ZNF382: variants seen among roughly 807,000 people sequenced by gnomAD.
ZNF382 encodes KRAB/zinc finger suppressor protein 1.
A neutral mutation model predicts 38.8 loss-of-function variants in ZNF382; 20 were observed. The observed-to-expected ratio is 0.51, with a 90% CI of 0.36 to 0.75. The LOEUF (loss-of-function observed/expected upper bound fraction) is 0.75. Ranked by LOEUF, ZNF382 falls within the 30% of genes least tolerant of loss-of-function variation. ZNF382 has a pLI of 0.00. For missense variants in ZNF382, 546 were observed against 654.1 expected, an observed-to-expected ratio of 0.83 and a Z score of 1.80; for synonymous variants, 202 against 223.1, an observed-to-expected ratio of 0.91 and a Z score of 0.84.
At chr19:36,621,566 T>A (rs912711555) in intron 4 of ZNF382, among the ~76,000 whole-genome samples, 1 of 150,596 alleles carries the variant, frequency 6.6e-6, no homozygotes, top group Non-Finnish European at 1.5e-5. Context: ...ATCAGCAGAT[T>A]CAACCAACTG....
rs562244025 is a variant in ZNF382, at chr19:36,627,620, G to GT, written c.*71dup. 386 of 1,198,780 alleles carry GT rather than the reference G, an allele frequency of 3.2e-4. 2 individuals are homozygous for GT. In the African/African-American group the frequency reaches 5.4e-3, roughly 17 times the overall value. The allele number at this position is 1,198,780 out of a possible 1,614,324, so 74.3% of individuals were successfully genotyped here. A position where few individuals can be genotyped will look rare whatever the true frequency, so the allele number is the denominator to read the frequency against. ...CCTGTAGATGATGTTGCTTGCAAGC[G>GT]TAATATCCAACAGTTTAAGGTACTA... is the stretch of plus-strand genomic sequence containing the variant. On this transcript the variant is annotated 3_prime_UTR_variant, in exon 5 of 5. Transcript: ENST00000292928.
chr19:36,618,356 TG>T (rs1458131025), intron 4 of ZNF382, among the ~76,000 whole-genome samples: 1 of 152,242 alleles, frequency 6.6e-6, no homozygotes, highest in Non-Finnish European at 1.5e-5. Context: ...CTTTCCTCTT[TG>T]GGCTCCTTGC....
At chr19:36,619,450 A>G (rs1161156185) in intron 4 of ZNF382, among the ~76,000 whole-genome samples, 1 of 152,080 alleles carries the variant, frequency 6.6e-6, no homozygotes, top group African/African-American at 2.4e-5. Flanking sequence ...CATCATTCTG[A>G]CTTTGGCCTG....
At chr19:36,620,745 C>G (rs2037162435) in intron 4 of ZNF382, among the ~76,000 whole-genome samples, 1 of 151,618 alleles carries the variant, frequency 6.6e-6, no homozygotes, top group Non-Finnish European at 1.5e-5. Context: ...TTTGTTTATT[C>G]TTTTGTTCCC....
intron 4 of ZNF382, among the ~76,000 whole-genome samples, chr19:36,611,344 A>G (rs1325175990): frequency 6.6e-6 from 1 of 152,106 alleles, no homozygotes; most frequent in East Asian, 1.9e-4. Context: ...TAGCCATGCC[A>G]ACCACCATTC....
intron 2 of ZNF382, 88 bp from the exon 3 acceptor site, chr19:36,609,814 A>G (rs2037062771): frequency 8.1e-7 from 1 of 1,236,942 alleles, no homozygotes; most frequent in African/African-American, 1.6e-5. Flanking sequence ...GCAATATAAA[A>G]CATAAATAAG....
chr19:36,619,007 C>T (rs1048438824), intron 4 of ZNF382, among the ~76,000 whole-genome samples: 3 of 152,184 alleles, frequency 2.0e-5, no homozygotes, highest in Admixed American at 1.3e-4. Context: ...GCATAGGTAA[C>T]AGAGCAAGAT....
At chr19:36,622,716 C>T (rs764357010) in intron 4 of ZNF382, among the ~76,000 whole-genome samples, 15 of 152,100 alleles carry the variant, frequency 9.9e-5, no homozygotes, top group Non-Finnish European at 1.6e-4. Flanking sequence ...TACTGTCTGG[C>T]CAGCCAAAGA....
At chr19:36,620,089 C>A (rs925688718) in intron 4 of ZNF382, among the ~76,000 whole-genome samples, 2 of 152,000 alleles carry the variant, frequency 1.3e-5, no homozygotes, top group Non-Finnish European at 2.9e-5. Context: ...TATCTATCTC[C>A]CTCATAGTTT....
intron 4 of ZNF382, 117 bp from the exon 5 acceptor site, chr19:36,626,013 T>C: frequency 1.6e-6 from 1 of 621,578 alleles, no homozygotes; most frequent in Non-Finnish European, 2.5e-6. Context: ...AGGTAATTTA[T>C]TCTGGCCTTT....
In ZNF382 at chr19:36,607,552, G is replaced by C; in HGVS notation, c.-84G>C. On this transcript the variant is annotated splice_region_variant and 5_prime_UTR_variant, in exon 2 of 5. Coordinates refer to ENST00000292928, the MANE Select transcript of ZNF382 (RefSeq NM_032825.5). ...ATATCCTCCATCTTTGCTTTCTCAG[G>C]ACTGTTTCTTTTTCCAAAAGAGGAG... The C allele has an allele frequency of 1.3e-6, 2 of 1,522,496 alleles. No individual in the cohort carries two copies. Among genetic ancestry groups the C allele is most frequent in the Non-Finnish European group, 1.8e-6 (2 of 1,135,662 alleles). 94.3% of individuals were successfully genotyped at this position (1,522,496 alleles called of 1,614,324 possible).
chr19:36,606,276 G>A (rs1239997855), intron 1 of ZNF382, among the ~76,000 whole-genome samples: 1 of 150,210 alleles, frequency 6.7e-6, no homozygotes, highest in African/African-American at 2.4e-5. Flanking sequence ...CCAGTATGTT[G>A]AAATGAATAG....
Position 36,607,667 on chromosome 19 carries a change from G to A in ZNF382, c.-14+45G>A. 3 of 1,487,752 alleles carry A rather than the reference G, an allele frequency of 2.0e-6. No homozygotes were observed. The South Asian group carries it at 4.0e-5, about 20-fold the overall frequency. The allele number at this position is 1,487,752 out of a possible 1,614,324, so 92.2% of individuals were successfully genotyped here. A position where few individuals can be genotyped will look rare whatever the true frequency, so the allele number is the denominator to read the frequency against. On this transcript the variant is annotated intron_variant, in intron 2 of 4. Transcript: ENST00000292928. ...CTTTCTGAAATAACTTTTTTTCATG[G>A]TGTATGAACATGAGCTTCACTGTCC...
At chr19:36,613,987 G>C (rs551148108) in intron 4 of ZNF382, among the ~76,000 whole-genome samples, 1 of 152,174 alleles carries the variant, frequency 6.6e-6, no homozygotes, top group African/African-American at 2.4e-5. Context: ...TTTGATTATT[G>C]TAACTTTATA....
intron 4 of ZNF382, among the ~76,000 whole-genome samples, 195 bp from the exon 5 acceptor site, chr19:36,625,935 G>T (rs2145335469): frequency 6.6e-6 from 1 of 152,134 alleles, no homozygotes; most frequent in Non-Finnish European, 1.5e-5. Flanking sequence ...TTTTGCTTAT[G>T]CCAGTTTTTC....
intron 4 of ZNF382, among the ~76,000 whole-genome samples, chr19:36,611,076 C>T (rs767755134): frequency 3.3e-5 from 5 of 152,082 alleles, no homozygotes; most frequent in Non-Finnish European, 7.4e-5. Context: ...ATCATGAGGT[C>T]AGGAGATGGA....
intron 4 of ZNF382, among the ~76,000 whole-genome samples, chr19:36,610,973 A>G (rs1404891647): frequency 6.6e-6 from 1 of 152,122 alleles, no homozygotes; most frequent in African/African-American, 2.4e-5. Context: ...GAAGCTCTGT[A>G]CCCATGAAAC....
chr19:36,610,877 A>C, intron 4 of ZNF382, 135 bp downstream of exon 4: 1 of 601,984 alleles, frequency 1.7e-6, no homozygotes, highest in Non-Finnish European at 2.9e-6. Flanking sequence ...CTTTTTAAGC[A>C]TATAGTTCAG....
chr19:36,617,760 A>G (rs1046044908), intron 4 of ZNF382, among the ~76,000 whole-genome samples: 1 of 152,114 alleles, frequency 6.6e-6, no homozygotes, highest in African/African-American at 2.4e-5. Context: ...CAGGATTCCT[A>G]CTGAAAGCAG....
Sources: allele counts gnomAD v4.1 joint callset (sites outside exome capture counted in the v4.1 genomes callset), GRCh38; gene constraint gnomAD v4.1.1; transcripts MANE v1.5; gene names NCBI Gene and HGNC (gene_info 2026-07-23, HGNC 2026-07-21).